The following DOK5 variants were observed in gnomAD, a reference collection of about 807,000 sequenced individuals.
DOK5 encodes the protein downstream of tyrosine kinase 5.
Under a neutral mutation model 43.3 loss-of-function variants are expected in DOK5, and 27 were observed. That is an observed-to-expected ratio of 0.62 (90% CI 0.46 to 0.86). The LOEUF is 0.86. Among genes scored for constraint, DOK5 ranks in the 40% least tolerant of loss-of-function variants. The pLI, the probability that DOK5 is intolerant of heterozygous loss-of-function variation, is 0.00. For missense variants in DOK5, 373 were observed against 392.9 expected (o/e 0.95, Z 0.43); for synonymous variants, 146 against 140.1 (o/e 1.04, Z -0.30).
chr20:54,501,432 A>C (rs187919126), intron 1 of DOK5, among the ~76,000 whole-genome samples: 1 of 141,302 alleles, frequency 7.1e-6, no homozygotes, highest in African/African-American at 2.8e-5. Context: ...GCGGCACTGC[A>C]CTCTAGCCTG....
chr20:54,478,198 T>C (rs1981511625), intron 1 of DOK5, among the ~76,000 whole-genome samples: 1 of 152,216 alleles, frequency 6.6e-6, no homozygotes, highest in Non-Finnish European at 1.5e-5. Context: ...TAAAATATTC[T>C]TATGGTATGA....
At chr20:54,482,301 G>A (rs774238268) in intron 1 of DOK5, among the ~76,000 whole-genome samples, 23 of 152,080 alleles carry the variant, frequency 1.5e-4, no homozygotes, top group African/African-American at 4.3e-4. Flanking sequence ...GTCAGCTCAC[G>A]GCCAGGTTTT....
chr20:54,628,842 T>G (rs1043955550), intron 6 of DOK5, among the ~76,000 whole-genome samples: 12 of 152,232 alleles, frequency 7.9e-5, no homozygotes, highest in Non-Finnish European at 1.5e-4. Context: ...ATACCGACTT[T>G]TCAGACTTGG....
chr20:54,522,550 C>A, intron 1 of DOK5, among the ~76,000 whole-genome samples: 1 of 148,550 alleles, frequency 6.7e-6, no homozygotes, highest in African/African-American at 2.5e-5. Flanking sequence ...GACAGAGCCT[C>A]GCTCTGTTGT....
At chr20:54,491,875 C>T (rs1278566318) in intron 1 of DOK5, among the ~76,000 whole-genome samples, 1 of 151,274 alleles carries the variant, frequency 6.6e-6, no homozygotes, top group Non-Finnish European at 1.5e-5. Flanking sequence ...CAAGAGTGAT[C>T]TCATATTAGA....
chr20:54,645,876 ACT>A (rs1740197224), intron 7 of DOK5, among the ~76,000 whole-genome samples: 2 of 135,596 alleles, frequency 1.5e-5, no homozygotes, highest in African/African-American at 5.6e-5. Flanking sequence ...AGTTTTCATG[ACT>A]CTGTGCTCTG....
intron 1 of DOK5, among the ~76,000 whole-genome samples, chr20:54,524,164 G>A (rs1339617689): frequency 2.0e-5 from 3 of 152,134 alleles, no homozygotes; most frequent in African/African-American, 7.2e-5. Flanking sequence ...GTAGTGTGGT[G>A]GAGGAGGGGA....
intron 2 of DOK5, among the ~76,000 whole-genome samples, chr20:54,557,286 G>GT: frequency 1.3e-5 from 2 of 152,288 alleles, no homozygotes; most frequent in South Asian, 4.1e-4. Flanking sequence ...GGGGTTGGGG[G>GT]CAGGATTGGT....
intron 1 of DOK5, among the ~76,000 whole-genome samples, chr20:54,542,036 C>T (rs897652909): frequency 5.9e-5 from 9 of 151,592 alleles, no homozygotes; most frequent in Non-Finnish European, 1.5e-5. Context: ...ACTAGCAATT[C>T]CTATCACTGT....
At chr20:54,561,102 G>C (rs1366513290) in intron 2 of DOK5, among the ~76,000 whole-genome samples, 1 of 152,102 alleles carries the variant, frequency 6.6e-6, no homozygotes, top group African/African-American at 2.4e-5. Context: ...TTTCTTTCGT[G>C]GTCCATGTGG....
chr20:54,600,347 C>T (rs1382742405), intron 5 of DOK5, among the ~76,000 whole-genome samples: 1 of 151,942 alleles, frequency 6.6e-6, no homozygotes, highest in Admixed American at 6.6e-5. Context: ...TGAGCAAGTC[C>T]CCAAGATGGC....
At chr20:54,546,150 T>G (rs2146720598) in intron 1 of DOK5, among the ~76,000 whole-genome samples, 1 of 152,224 alleles carries the variant, frequency 6.6e-6, no homozygotes, top group Non-Finnish European at 1.5e-5. Context: ...AAAAACAAAA[T>G]TTGCTCATCT....
chr20:54,639,555 C>G (rs1014273324), intron 6 of DOK5, among the ~76,000 whole-genome samples: 3 of 152,134 alleles, frequency 2.0e-5, no homozygotes, highest in Non-Finnish European at 4.4e-5. Flanking sequence ...AATCCCCATA[C>G]TTTACAATTC....
intron 1 of DOK5, among the ~76,000 whole-genome samples, chr20:54,481,046 C>CT (rs776421462): frequency 1.6e-5 from 2 of 122,354 alleles, no homozygotes; most frequent in African/African-American, 3.8e-5. Flanking sequence ...ATCTATCTAT[C>CT]ATCTGTCTAT....
At chr20:54,620,536 G>A (rs140057754) in intron 6 of DOK5, among the ~76,000 whole-genome samples, 22 of 152,294 alleles carry the variant, frequency 1.4e-4, no homozygotes, top group African/African-American at 5.3e-4. Context: ...ACAGCGCCTG[G>A]CATTTGTTTT....
In DOK5 at chr20:54,606,692, G is replaced by A. The variant is rs183644869; in HGVS notation, c.600-3696G>A. Among the ~76,000 whole-genome samples, 10 of 152,190 alleles carry A rather than the reference G, an allele frequency of 6.6e-5. 1 individual carries two copies. The East Asian group carries it at 1.9e-3, about 30-fold the overall frequency. ...AGTGTTGTAAAGCTGCTTATGAAACGGTTCCAAACACATCAATTAGGAGGG... is the reference window on the plus strand; with the variant it reads ...AGTGTTGTAAAGCTGCTTATGAAACAGTTCCAAACACATCAATTAGGAGGG... On this transcript the variant is annotated intron_variant, in intron 5 of 7. Transcript: ENST00000262593.
intron 6 of DOK5, among the ~76,000 whole-genome samples, chr20:54,637,214 T>C (rs1246941873): frequency 6.6e-6 from 1 of 152,236 alleles, no homozygotes; most frequent in Non-Finnish European, 1.5e-5. Flanking sequence ...ATGCTTTTTG[T>C]GCATTCAGAA....
intron 6 of DOK5, among the ~76,000 whole-genome samples, chr20:54,638,041 G>A (rs1228811991): frequency 6.7e-6 from 1 of 149,686 alleles, no homozygotes; most frequent in Non-Finnish European, 1.5e-5. Context: ...AGAATGGTGT[G>A]AACCCGGGAG....
intron 6 of DOK5, among the ~76,000 whole-genome samples, chr20:54,637,342 G>A (rs1243190765): frequency 2.0e-5 from 3 of 152,242 alleles, no homozygotes; most frequent in Non-Finnish European, 4.4e-5. Flanking sequence ...TGTTTAGAGG[G>A]AAAGTTCAAG....
Sources: gnomAD v4.1 joint callset for allele counts (sites outside exome capture counted in the v4.1 genomes callset) on GRCh38, gnomAD v4.1.1 for gene constraint, MANE v1.5 for transcripts, NCBI Gene and HGNC (gene_info 2026-07-23, HGNC 2026-07-21) for gene names.